Variants in DISP1 observed in about 807,000 individuals in gnomAD.
DISP1 encodes the protein protein dispatched homolog 1.
In DISP1, 30 loss-of-function variants were observed where a neutral mutation model predicts 37.3. That is an observed-to-expected ratio of 0.80 (90% CI 0.60 to 1.09). DISP1 has a LOEUF of 1.09. Among genes scored for constraint, DISP1 ranks in the 50% least tolerant of loss-of-function variants. The probability of loss-of-function intolerance (pLI) is 0.00; values close to 1 mark genes in which losing one functional copy is unlikely to be tolerated. For missense variants in DISP1, 1,598 were observed against 1,879.5 expected, an observed-to-expected ratio of 0.85 and a Z score of 2.77; for synonymous variants, 634 against 690.2, an observed-to-expected ratio of 0.92 and a Z score of 1.28.
At chr1:222,875,265 A>T (rs2125354837) in intron 1 of DISP1, among the ~76,000 whole-genome samples, 1 of 151,916 alleles carries the variant, frequency 6.6e-6, no homozygotes, top group Non-Finnish European at 1.5e-5. Context: ...GTGAGCCCAA[A>T]CCACGCCACT....
chr1:222,897,618 A>G (rs1235793713), intron 1 of DISP1, among the ~76,000 whole-genome samples: 1 of 152,172 alleles, frequency 6.6e-6, no homozygotes, highest in Admixed American at 6.5e-5. Flanking sequence ...AGGATACTTT[A>G]TTAAGCCTTC....
At chr1:222,930,595 A>C (rs1673331223) in intron 2 of DISP1, among the ~76,000 whole-genome samples, 1 of 152,136 alleles carries the variant, frequency 6.6e-6, no homozygotes, top group Non-Finnish European at 1.5e-5. Context: ...GGTGCTTACC[A>C]AAATGATTGC....
In DISP1 at chr1:222,936,906, A is replaced by C. The variant is rs867775671; in HGVS notation, c.-17-5901A>C. ...TATATATAATATATTATTTATATAT[A>C]ATATATTATATATTATATAATATGT... On this transcript the variant is annotated intron_variant, in intron 2 of 8. Coordinates refer to ENST00000675850, the MANE Select transcript of DISP1 (RefSeq NM_001377229.1). Among the ~76,000 whole-genome samples the C allele has an allele frequency of 2.8e-4, 15 of 52,670 alleles. No homozygotes were observed. The East Asian group carries it at 3.7e-3, about 13-fold the overall frequency. 34.6% of individuals were successfully genotyped at this position (52,670 alleles called of 152,430 possible).
At chr1:222,858,851 C>T (rs191165185) in intron 1 of DISP1, among the ~76,000 whole-genome samples, 61 of 152,200 alleles carry the variant, frequency 4.0e-4, no homozygotes, top group African/African-American at 1.3e-3. Flanking sequence ...GGCGAGGTTG[C>T]AGAGACATAG....
At chr1:222,913,723 A>G (rs1490837766) in intron 1 of DISP1, among the ~76,000 whole-genome samples, 1 of 150,750 alleles carries the variant, frequency 6.6e-6, no homozygotes, top group African/African-American at 2.4e-5. Context: ...CCTCAGTAAC[A>G]TAGCAAGACT....
intron 3 of DISP1, among the ~76,000 whole-genome samples, chr1:222,954,224 T>C (rs1675434808): frequency 6.6e-6 from 1 of 152,136 alleles, no homozygotes; most frequent in South Asian, 2.1e-4. Flanking sequence ...CAAACTTAAA[T>C]GGATTGTTAG....
chr1:222,843,974 A>G (rs71644708), intron 1 of DISP1, among the ~76,000 whole-genome samples: 17,177 of 152,174 alleles, frequency 0.11, 1,279 homozygotes, highest in South Asian at 0.16. Context: ...AAAGGCACCC[A>G]TGGAATTACG....
At chr1:222,837,439 C>A in intron 1 of DISP1, 1 of 174,938 alleles carries the variant, frequency 5.7e-6, no homozygotes, top group Non-Finnish European at 1.2e-5. Flanking sequence ...GCCCAGTGGC[C>A]TAAACAAAAC....
rs181148806 is a variant in DISP1 at position 222,881,848 on chromosome 1, A to G, written c.-158-46582A>G. On this transcript the variant is annotated intron_variant, in intron 1 of 8. Coordinates refer to ENST00000675850, the MANE Select transcript of DISP1 (RefSeq NM_001377229.1). ...GGACATAAAGATATTCTTATACTAA[A>G]AAGAATGGGCCAAAACAATTGTTAA... Among the ~76,000 whole-genome samples the G allele has an allele frequency of 9.8e-5, 15 of 152,360 alleles. 1 individual carries two copies. The highest frequency in any genetic ancestry group is 3.1e-4 in the African/African-American group (13 of 41,582).
chr1:222,939,355 A>ATTTTTTT (rs35313341), intron 2 of DISP1, among the ~76,000 whole-genome samples: 1 of 113,014 alleles, frequency 8.8e-6, no homozygotes, highest in Non-Finnish European at 1.7e-5. Flanking sequence ...AAGAAAAATA[A>ATTTTTTT]TTTTTTTTTT....
At chr1:222,916,509 G>A (rs1672500903) in intron 1 of DISP1, among the ~76,000 whole-genome samples, 1 of 152,210 alleles carries the variant, frequency 6.6e-6, no homozygotes. Context: ...CAATTGTAAT[G>A]AGTTTTGTTT....
At chr1:222,846,907 G>A (rs180785694) in intron 1 of DISP1, among the ~76,000 whole-genome samples, 39 of 152,182 alleles carry the variant, frequency 2.6e-4, no homozygotes, top group African/African-American at 7.5e-4. Flanking sequence ...CATAGTTTCC[G>A]TTGTGATAAT....
chr1:222,900,215 G>A (rs1342166620), intron 1 of DISP1, among the ~76,000 whole-genome samples: 1 of 152,150 alleles, frequency 6.6e-6, no homozygotes, highest in Admixed American at 6.5e-5. Flanking sequence ...GTCTAGGTTT[G>A]AATGTCAATT....
chr1:222,823,589 T>C (rs1663510741), intron 1 of DISP1, among the ~76,000 whole-genome samples: 1 of 152,124 alleles, frequency 6.6e-6, no homozygotes, highest in African/African-American at 2.4e-5. Flanking sequence ...TGGGTGATGG[T>C]TACACAAGAG....
intron 1 of DISP1, among the ~76,000 whole-genome samples, chr1:222,869,673 T>C (rs1669410564): frequency 6.6e-6 from 1 of 152,140 alleles, no homozygotes; most frequent in Admixed American, 6.6e-5. Context: ...AGAAAATAAA[T>C]TGTAGATAGT....
chr1:222,836,260 G>T (rs760691424), intron 1 of DISP1, among the ~76,000 whole-genome samples: 1 of 152,146 alleles, frequency 6.6e-6, no homozygotes, highest in Non-Finnish European at 1.5e-5. Flanking sequence ...TGACTGTGAA[G>T]GTTTCTTCCT....
At chr1:222,921,173 G>A (rs2609395) in intron 1 of DISP1, among the ~76,000 whole-genome samples, 38,293 of 151,996 alleles carry the variant, frequency 0.25, 5,078 homozygotes, top group South Asian at 0.46. Context: ...TTAGCCGGAT[G>A]TGGTGCATGC....
At chr1:222,934,391 A>C (rs1257274181) in intron 2 of DISP1, among the ~76,000 whole-genome samples, 1 of 152,076 alleles carries the variant, frequency 6.6e-6, no homozygotes, top group Non-Finnish European at 1.5e-5. Context: ...TGAAGGGAAA[A>C]ATATTTGTAG....
chr1:223,004,397 G>A lies in DISP1; in HGVS notation c.3000G>A (p.Leu1000=), dbSNP rs1679725007. The part of the protein sequence containing the change: ...LSVAVAFSVM[L]LTTWNIIISL... Reference sequence around the variant, plus strand: ...TTGCTGTTGCATTTAGCGTGATGCTGCTGACAACTTGGAACATCATCATAA... The same window carrying A: ...TTGCTGTTGCATTTAGCGTGATGCTACTGACAACTTGGAACATCATCATAA... Residue 1000 remains leucine, a synonymous_variant, in exon 9 of 9, where the codon CTG becomes CTA. Coordinates refer to ENST00000675850, the MANE Select transcript of DISP1 (RefSeq NM_001377229.1). This position sits in a 1 kb window ranked among gnomAD's most constrained non-coding sequence, Gnocchi z 4.9. 6.2e-7 allele frequency: 1 copy of A among 1,614,092 alleles called. No individual in the cohort carries two copies. Among genetic ancestry groups the A allele is most frequent in the African/African-American group, 1.3e-5 (1 of 74,932 alleles).
Sources: gnomAD v4.1 joint callset for allele counts (sites outside exome capture counted in the v4.1 genomes callset) on GRCh38, gnomAD v4.1.1 for gene constraint, Gnocchi (gnomAD v3.1) non-coding constraint, MANE v1.5 for transcripts, NCBI Gene and HGNC (gene_info 2026-07-23, HGNC 2026-07-21) for gene names.